Variants in CYBA observed in about 807,000 individuals in gnomAD.
The protein encoded by CYBA is cytochrome b-245 alpha chain.
In CYBA, 21 loss-of-function variants were observed where a neutral mutation model predicts 20.8. The ratio of observed to expected loss-of-function variants is 1.01; its 90% CI spans 0.72 to 1.46. The LOEUF is 1.46. CYBA is among the 40% of genes most tolerant of loss of function. The pLI, the probability that CYBA is intolerant of heterozygous loss-of-function variation, is 0.00. For missense variants in CYBA, 344 were observed against 287.0 expected, an observed-to-expected ratio of 1.20 and a Z score of -1.43; for synonymous variants, 164 against 127.5, an observed-to-expected ratio of 1.29 and a Z score of -1.93.
chr16:88,648,206 C>T, intron 1 of CYBA, 92 bp from the exon 2 acceptor site: 1 of 1,195,850 alleles, frequency 8.4e-7, no homozygotes, highest in South Asian at 1.3e-5. Context: ...CACCAGGCCA[C>T]CCAGAGCTGC....
chr16:88,646,858 G>A lies in CYBA; in HGVS notation c.204-20C>T, dbSNP rs374947604. ...TGTCCCCTGGGGGAGGGAGGAAGGC[G>A]AGACGGCGCGGCTGGGCCTCTCCCA... On this transcript the variant is annotated intron_variant, in intron 3 of 5. Transcript: ENST00000261623. The A allele has an allele frequency of 4.9e-5, 78 of 1,597,762 alleles. No individual in the cohort carries two copies. Among genetic ancestry groups the A allele is most frequent in the Admixed American group, 2.7e-4 (16 of 59,976 alleles).
chr16:88,648,152 G>A lies in CYBA; in HGVS notation c.59-38C>T, dbSNP rs561092122. The A allele has an allele frequency of 4.2e-5, 66 of 1,580,340 alleles. No individual in the cohort carries two copies. In the East Asian group the frequency reaches 8.4e-4, roughly 20 times the overall value. ...GTGGGTCAGGCACTGTGGGGCTCCCGTCCCGGGGGCCTGGGCCACCCCCCT... is the reference window on the plus strand; with the variant it reads ...GTGGGTCAGGCACTGTGGGGCTCCCATCCCGGGGGCCTGGGCCACCCCCCT... On this transcript the variant is annotated intron_variant, in intron 1 of 5. Coordinates refer to ENST00000261623, the MANE Select transcript of CYBA (RefSeq NM_000101.4).
In CYBA at chr16:88,643,422, C is replaced by T. The variant is rs752613883; in HGVS notation, c.519G>A (p.Ala173=). ...ARKKPSEEEA[A]VAAGGPPGGP... ...CTCCCGGGGGTCCCCCCGCCGCCAC[C>T]GCAGCCTCCTCCTCGCTGGGCTTCT... is the stretch of plus-strand genomic sequence containing the variant. The change falls in exon 6 of 6, where the codon GCG becomes GCA. Residue 173 remains alanine, a synonymous_variant. Transcript: ENST00000261623. The surrounding 1 kb of genome is among the most constrained non-coding windows in gnomAD (Gnocchi z 4.3). 6 of 1,532,150 alleles carry T rather than the reference C, an allele frequency of 3.9e-6. No individual in the cohort carries two copies. The highest frequency in any genetic ancestry group is 2.8e-5 in the African/African-American group (2 of 71,674). 94.9% of individuals were successfully genotyped at this position (1,532,150 alleles called of 1,614,324 possible). A position where few individuals can be genotyped will look rare whatever the true frequency, so the allele number is the denominator to read the frequency against.
At chr16:88,649,218 T>TA (rs1567610159) in intron 1 of CYBA, among the ~76,000 whole-genome samples, 2 of 152,226 alleles carry the variant, frequency 1.3e-5, no homozygotes, top group African/African-American at 2.4e-5. Flanking sequence ...ATTACAGGTG[T>TA]AGCCACCTTG....
chr16:88,643,521 C>A lies in CYBA; in HGVS notation c.420G>T (p.Glu140Asp). The change falls in exon 6 of 6, where the codon GAG (glutamate) becomes GAT (aspartate). Residue 140 changes from glutamate (E) to aspartate (D), a missense_variant. Physicochemically the swap from Glu to Asp is conservative, Grantham distance 45. Coordinates refer to ENST00000261623, the MANE Select transcript of CYBA (RefSeq NM_000101.4). This position sits in a 1 kb window ranked among gnomAD's most constrained non-coding sequence, Gnocchi z 4.3. The stretch of plus-strand genomic sequence containing the variant: ...TGATGGTGCCTCCGATCTGCGGCCG[C>A]TCCCGGGGCTTGGGCTCGATGGGCG... The part of the protein sequence containing the change: ...QWTPIEPKPR[E>D]RPQIGGTIKQ... 3.9e-6 allele frequency: 6 copies of A among 1,535,032 alleles called. No individual in the cohort carries two copies. The highest frequency in any genetic ancestry group is 5.2e-6 in the Non-Finnish European group (6 of 1,146,628).
chr16:88,644,991 C>T (rs1338551646), intron 5 of CYBA: 33 of 601,564 alleles, frequency 5.5e-5, no homozygotes, highest in East Asian at 5.0e-4. Context: ...AACTGGCAAG[C>T]GTGGGAGAAA....
intron 5 of CYBA, chr16:88,645,808 A>G: frequency 5.5e-6 from 3 of 549,124 alleles, no homozygotes; most frequent in Non-Finnish European, 9.8e-6. Context: ...ACCCCAGGCC[A>G]GTCACAGCAC....
At chr16:88,645,551 C>G in intron 5 of CYBA, 1 of 643,932 alleles carries the variant, frequency 1.6e-6, no homozygotes, top group Non-Finnish European at 2.8e-6. Flanking sequence ...GGGCATTTCA[C>G]CCAAGGCCTG....
chr16:88,646,127 TGCC>T lies in CYBA; in HGVS notation c.355_357del (p.Gly119del), dbSNP rs1295156928. On this transcript the variant is annotated inframe_deletion, in exon 5 of 6. Coordinates refer to ENST00000261623, the MANE Select transcript of CYBA (RefSeq NM_000101.4). Reference sequence around the variant, plus strand: ...AGGGCGCCACTCACCAGTAGGTAGATGCCGCTCGCAATGGCCAGGCAGGCGGTC... The same window carrying T: ...AGGGCGCCACTCACCAGTAGGTAGATGCTCGCAATGGCCAGGCAGGCGGTC... 6.4e-7 allele frequency: 1 copy of T among 1,554,818 alleles called. No homozygotes were observed. The highest frequency in any genetic ancestry group is 1.9e-5 in the Admixed American group (1 of 51,990).
chr16:88,649,328 G>C (rs1907421005), intron 1 of CYBA, among the ~76,000 whole-genome samples: 1 of 152,196 alleles, frequency 6.6e-6, no homozygotes, highest in African/African-American at 2.4e-5. Context: ...GGGTTTGTCT[G>C]TCTGCGTCGG....
chr16:88,650,864 C>T, intron 1 of CYBA, 92 bp downstream of exon 1: 2 of 1,403,570 alleles, frequency 1.4e-6, no homozygotes, highest in Non-Finnish European at 2.0e-6. Flanking sequence ...TGGCGCCCCA[C>T]TTCCCCACCC....
chr16:88,648,306 C>T (rs1907365117), intron 1 of CYBA, among the ~76,000 whole-genome samples, 192 bp from the exon 2 acceptor site: 2 of 152,240 alleles, frequency 1.3e-5, no homozygotes, highest in African/African-American at 2.4e-5. Context: ...GCCTGTGGCG[C>T]ACGGGCTGGC....
intron 2 of CYBA, chr16:88,647,734 C>A: frequency 2.0e-6 from 1 of 494,360 alleles, no homozygotes; most frequent in South Asian, 2.1e-5. Flanking sequence ...AGGGGGATGA[C>A]TGACAGGAGC....
Position 88,650,821 on chromosome 16 carries a change from T to C in CYBA, c.58+135A>G, listed in dbSNP as rs777828096. 8.6e-6 allele frequency: 8 copies of C among 931,360 alleles called. 1 individual carries two copies. The Middle Eastern group carries it at 8.5e-4, about 98-fold the overall frequency. 57.7% of individuals were successfully genotyped at this position (931,360 alleles called of 1,614,324 possible). A position where few individuals can be genotyped will look rare whatever the true frequency, so the allele number is the denominator to read the frequency against. On this transcript the variant is annotated intron_variant, in intron 1 of 5. Transcript: ENST00000261623. ...GGTCCCGCCCCCGTTCCCCGCACCC[T>C]CCTGGCCTGACCCCGGCCCGGCCTG... is the stretch of plus-strand genomic sequence containing the variant.
intron 1 of CYBA, among the ~76,000 whole-genome samples, chr16:88,648,505 C>A (rs1305684838): frequency 6.6e-6 from 1 of 152,210 alleles, no homozygotes; most frequent in Non-Finnish European, 1.5e-5. Context: ...GTCTTTTTCC[C>A]CCCGATACGG....
intron 1 of CYBA, among the ~76,000 whole-genome samples, chr16:88,648,366 G>A (rs1907367585): frequency 6.6e-6 from 1 of 152,160 alleles, no homozygotes; most frequent in Non-Finnish European, 1.5e-5. Flanking sequence ...AGTGGCCAAG[G>A]ACAGCCCGAC....
At chr16:88,646,954 C>A in intron 3 of CYBA, 116 bp from the exon 4 acceptor site, 2 of 1,183,140 alleles carry the variant, frequency 1.7e-6, no homozygotes, top group East Asian at 2.4e-5. Flanking sequence ...CAAAACACAC[C>A]GGGCAGGCAC....
chr16:88,649,085 CT>C (rs1450006789), intron 1 of CYBA, among the ~76,000 whole-genome samples: 18 of 151,956 alleles, frequency 1.2e-4, no homozygotes, highest in South Asian at 6.2e-4. Context: ...CTATGCGCGC[CT>C]GCCACCATAC....
At chr16:88,648,265 G>A (rs1907361534) in intron 1 of CYBA, 151 bp from the exon 2 acceptor site, 1 of 727,282 alleles carries the variant, frequency 1.4e-6, no homozygotes, top group South Asian at 1.6e-5. Flanking sequence ...ACACCCCCAG[G>A]AGGCACCCCT....
Sources: gnomAD v4.1 joint callset for allele counts (sites outside exome capture counted in the v4.1 genomes callset) on GRCh38, gnomAD v4.1.1 for gene constraint, Gnocchi (gnomAD v3.1) non-coding constraint, MANE v1.5 for transcripts, NCBI Gene and HGNC (gene_info 2026-07-23, HGNC 2026-07-21) for gene names.